Variants in SMARCD2 observed in about 807,000 individuals in gnomAD.
The protein encoded by SMARCD2 is SWI/SNF-related matrix-associated actin-dependent regulator of chromatin subfamily D member 2.
Under a neutral mutation model 70.4 loss-of-function variants are expected in SMARCD2, and 39 were observed. The ratio of observed to expected loss-of-function variants is 0.55; its 90% CI spans 0.43 to 0.72. The LOEUF is 0.72. Among genes scored for constraint, SMARCD2 ranks in the 30% least tolerant of loss-of-function variants. The probability of loss-of-function intolerance (pLI) is 0.00; values close to 1 mark genes in which losing one functional copy is unlikely to be tolerated. For missense variants in SMARCD2, 540 were observed against 713.4 expected, an observed-to-expected ratio of 0.76 and a Z score of 2.77; for synonymous variants, 249 against 279.4, an observed-to-expected ratio of 0.89 and a Z score of 1.08.
chr17:63,835,055 C>G (rs1467654051), intron 5 of SMARCD2: 1 of 549,902 alleles, frequency 1.8e-6, no homozygotes, highest in Non-Finnish European at 3.2e-6. Context: ...ACAAATCAAC[C>G]TCCAACGGGC....
chr17:63,833,362 CTG>C lies in SMARCD2; in HGVS notation c.1374_1375del (p.Ser459PhefsTer2), dbSNP rs1166557936. ...GAAGTCCTGGGGGTCGGTGCTAAAACTGAGCATGAAATCTCTCTGGGTCTTCA... is the reference window on the plus strand; with the variant it reads ...GAAGTCCTGGGGGTCGGTGCTAAAACAGCATGAAATCTCTCTGGGTCTTCA... On this transcript the variant is annotated frameshift_variant, in exon 11 of 13. Coordinates refer to ENST00000448276, the MANE Select transcript of SMARCD2 (RefSeq NM_001098426.2). LOFTEE classifies it high-confidence loss of function. This position sits in a 1 kb window ranked among gnomAD's most constrained non-coding sequence, Gnocchi z 4.3. 2 of 1,614,038 alleles carry C rather than the reference CTG, an allele frequency of 1.2e-6. No homozygotes were observed. The highest frequency in any genetic ancestry group is 2.2e-5 in the East Asian group (1 of 44,882).
Position 63,834,313 on chromosome 17 carries a change from A to T in SMARCD2, c.937T>A (p.Leu313Met), listed in dbSNP as rs768534738. Residue 313 changes from leucine to methionine, a missense_variant, in exon 8 of 13, where the codon TTG becomes ATG. By Grantham distance (15) the Leu-to-Met change is conservative. Coordinates refer to ENST00000448276, the MANE Select transcript of SMARCD2 (RefSeq NM_001098426.2). The surrounding 1 kb of genome is among the most constrained non-coding windows in gnomAD (Gnocchi z 5.6). The part of the protein sequence containing the change: ...MLDHQPPQYK[L>M]DPRLARLLGV... ...AGCAGCCTTGCCAATCGGGGGTCCA[A>T]TTTGTACTGGGGAGGCTGGAGTTGG... 6 of 1,612,484 alleles carry T rather than the reference A, an allele frequency of 3.7e-6. No individual in the cohort carries two copies. The highest frequency in any genetic ancestry group is 1.7e-4 in the Middle Eastern group (1 of 6,056).
chr17:63,833,694 C>T lies in SMARCD2; in HGVS notation c.1210G>A (p.Ala404Thr). The T allele has an allele frequency of 2.5e-6, 4 of 1,613,996 alleles. No homozygotes were observed. The highest frequency in any genetic ancestry group is 3.4e-6 in the Non-Finnish European group (4 of 1,179,888). ...ACCTCCACATCGATGTCGTAACAGGCTGTCTTCTTCTGGTCGTTAGGGTCG... is the reference window on the plus strand; with the variant it reads ...ACCTCCACATCGATGTCGTAACAGGTTGTCTTCTTCTGGTCGTTAGGGTCG... ...SVDPNDQKKTACYDIDVEVDD... is the reference protein window; with the variant it reads ...SVDPNDQKKTTCYDIDVEVDD... The change falls in exon 10 of 13, where the codon GCC becomes ACC. Residue 404 changes from alanine (A) to threonine (T), a missense_variant. Ala to Thr is a moderately conservative substitution (Grantham distance 58). Transcript: ENST00000448276. The surrounding 1 kb of genome is among the most constrained non-coding windows in gnomAD (Gnocchi z 4.3).
chr17:63,832,848 A>G lies in SMARCD2; in HGVS notation c.*90T>C. 4 of 1,072,402 alleles carry G rather than the reference A, an allele frequency of 3.7e-6. No homozygotes were observed. The highest frequency in any genetic ancestry group is 5.6e-6 in the Non-Finnish European group (4 of 711,836). 66.4% of individuals were successfully genotyped at this position (1,072,402 alleles called of 1,614,324 possible). On this transcript the variant is annotated 3_prime_UTR_variant, in exon 13 of 13. Transcript: ENST00000448276. Reference sequence around the variant, plus strand: ...TAGAGGGTGACAGCAGACACTCCTCACCCCAGCCTACGTGTCTGCGGCCCC... The same window carrying G: ...TAGAGGGTGACAGCAGACACTCCTCGCCCCAGCCTACGTGTCTGCGGCCCC...
chr17:63,841,384 CAG>C (rs1270055511), intron 1 of SMARCD2, among the ~76,000 whole-genome samples: 1 of 152,212 alleles, frequency 6.6e-6, no homozygotes, highest in Non-Finnish European at 1.5e-5. Context: ...GAGTCGAAAA[CAG>C]AGGAAGCCCA....
chr17:63,842,465 C>T lies in SMARCD2; in HGVS notation c.210G>A (p.Gln70=), dbSNP rs1240901783. Residue 70 remains glutamine (Q), a synonymous_variant, in exon 1 of 13, where the codon CAG becomes CAA. Coordinates refer to ENST00000448276, the MANE Select transcript of SMARCD2 (RefSeq NM_001098426.2). ...TCGCGTCCTCCTTGCTCACCTGGTA[C>T]TGCGCCGCGGGGCCCGCGGGGCCCA... ...RPMGPAGPAA[Q]YQRPGMSPGN... 5 of 1,288,854 alleles carry T rather than the reference C, an allele frequency of 3.9e-6. No homozygotes were observed. The highest frequency in any genetic ancestry group is 4.9e-6 in the Non-Finnish European group (5 of 1,020,348). 79.8% of individuals were successfully genotyped at this position (1,288,854 alleles called of 1,614,324 possible).
In SMARCD2 at chr17:63,832,979, T is replaced by C. The variant is rs1208278176; in HGVS notation, c.1555A>G (p.Arg519Gly). The C allele has an allele frequency of 1.3e-6, 2 of 1,584,108 alleles. No individual in the cohort carries two copies. The highest frequency in any genetic ancestry group is 1.2e-5 in the South Asian group (1 of 86,354). Residue 519 changes from arginine (R) to glycine (G), a missense_variant, in exon 13 of 13, where the codon AGG becomes GGG. By Grantham distance (125) the Arg-to-Gly change is moderately radical. Coordinates refer to ENST00000448276, the MANE Select transcript of SMARCD2 (RefSeq NM_001098426.2). ...RHIFAKVQQR[R>G]QELEQVLGIR... ...CCCAGCACCTGTTCCAGTTCCTGCC[T>C]TCGCTGCTGCACCTGGAGAAGGGAG...
chr17:63,835,318 TG>T, intron 5 of SMARCD2, 93 bp downstream of exon 5: 1 of 1,332,940 alleles, frequency 7.5e-7, no homozygotes, highest in Non-Finnish European at 1.0e-6. Flanking sequence ...AGATGGGGTC[TG>T]GCTCTGCTGC....
At chr17:63,840,516 C>T (rs1405584191) in intron 1 of SMARCD2, among the ~76,000 whole-genome samples, 1 of 151,898 alleles carries the variant, frequency 6.6e-6, no homozygotes, top group Non-Finnish European at 1.5e-5. Flanking sequence ...TTAGGTTCCT[C>T]TGTTAACTGT....
chr17:63,841,751 C>T (rs1024721289), intron 1 of SMARCD2, among the ~76,000 whole-genome samples: 2 of 152,264 alleles, frequency 1.3e-5, no homozygotes, highest in African/African-American at 4.8e-5. Flanking sequence ...CCAGACTAAT[C>T]AACTCCCGGA....
At position 63,834,356 on chromosome 17, in the gene SMARCD2, C is replaced by T. The variant is rs746953491; in HGVS notation, c.922-28G>A. ...GGAGTTGGATGGAGGGGAGTCAGAA[C>T]GGGTTCTTATAGTAGAACAGTGGGA... is the stretch of plus-strand genomic sequence containing the variant. On this transcript the variant is annotated intron_variant, in intron 7 of 12. Transcript: ENST00000448276. This position sits in a 1 kb window ranked among gnomAD's most constrained non-coding sequence, Gnocchi z 5.6. The T allele has an allele frequency of 1.7e-5, 27 of 1,603,836 alleles. No homozygotes were observed. Among genetic ancestry groups the T allele is most frequent in the Admixed American group, 5.0e-5 (3 of 59,572 alleles).
At chr17:63,835,621 G>C in intron 4 of SMARCD2, 54 bp from the exon 5 acceptor site, 1 of 1,560,382 alleles carries the variant, frequency 6.4e-7, no homozygotes, top group East Asian at 2.2e-5. Flanking sequence ...CTGGGACACA[G>C]TGCTACCGCA....
At chr17:63,841,514 T>C (rs1904460629) in intron 1 of SMARCD2, among the ~76,000 whole-genome samples, 1 of 152,222 alleles carries the variant, frequency 6.6e-6, no homozygotes, top group African/African-American at 2.4e-5. Flanking sequence ...ACAAGGCAGA[T>C]GGGCACAGTT....
In SMARCD2 at chr17:63,832,584, G is replaced by A. The variant is rs1177229218; in HGVS notation, c.*354C>T. On this transcript the variant is annotated 3_prime_UTR_variant, in exon 13 of 13. Transcript: ENST00000448276. ...CCTCTTCCTAGCCCAGCTCCCCAGA[G>A]CCAGCTCTGACCCTCGCCCCAGGGG... 1.4e-5 allele frequency: 5 copies of A among 362,448 alleles called. No individual in the cohort carries two copies. The highest frequency in any genetic ancestry group is 4.1e-5 in the Admixed American group (1 of 24,276). The allele number at this position is 362,448 out of a possible 1,614,324, so 22.5% of individuals were successfully genotyped here.
chr17:63,839,508 T>A (rs992460358), intron 1 of SMARCD2, among the ~76,000 whole-genome samples: 2 of 148,418 alleles, frequency 1.3e-5, no homozygotes, highest in African/African-American at 5.1e-5. Flanking sequence ...ATAGTTCAAG[T>A]CCCAGCTGAG....
chr17:63,834,030 G>C lies in SMARCD2; in HGVS notation c.1084-24C>G. On this transcript the variant is annotated intron_variant, in intron 8 of 12. Coordinates refer to ENST00000448276, the MANE Select transcript of SMARCD2 (RefSeq NM_001098426.2). The surrounding 1 kb of genome is among the most constrained non-coding windows in gnomAD (Gnocchi z 5.6). ...ATCTGGAGGAAATACGAAAGGCTCA[G>C]CGTTGGCTTGTGGGCACAGTGGAGT... is the stretch of plus-strand genomic sequence containing the variant. 6.2e-7 allele frequency: 1 copy of C among 1,606,910 alleles called. No individual in the cohort carries two copies. The highest frequency in any genetic ancestry group is 1.3e-5 in the African/African-American group (1 of 74,926).
intron 4 of SMARCD2, 55 bp downstream of exon 4, chr17:63,836,867 G>C: frequency 6.3e-7 from 1 of 1,576,352 alleles, no homozygotes; most frequent in Non-Finnish European, 8.7e-7. Context: ...GGAAAACAAG[G>C]GGGTGGAAGG....
intron 1 of SMARCD2, among the ~76,000 whole-genome samples, chr17:63,841,222 C>T (rs1314920506): frequency 6.6e-6 from 1 of 152,228 alleles, no homozygotes; most frequent in Admixed American, 6.5e-5. Flanking sequence ...TCTCTTTTCT[C>T]TTGAGAAAGG....
intron 1 of SMARCD2, among the ~76,000 whole-genome samples, chr17:63,839,590 C>CA (rs573771017): frequency 1.2e-4 from 8 of 68,756 alleles, no homozygotes; most frequent in South Asian, 5.8e-4. Flanking sequence ...CAAAACAAAA[C>CA]AAACAAAAAA....
Sources: gnomAD v4.1 joint callset for allele counts (sites outside exome capture counted in the v4.1 genomes callset) on GRCh38, gnomAD v4.1.1 for gene constraint, Gnocchi (gnomAD v3.1) non-coding constraint, MANE v1.5 for transcripts, NCBI Gene and HGNC (gene_info 2026-07-23, HGNC 2026-07-21) for gene names.